SSX2IP: variants seen among roughly 807,000 people sequenced by gnomAD.
SSX2IP encodes the protein SSX family member 2 interacting protein.
SSX2IP carries 55 observed loss-of-function variants against 84.9 expected under a neutral mutation model. That is an observed-to-expected ratio of 0.65 (90% CI 0.52 to 0.81). The LOEUF is 0.81. Ranked by LOEUF, SSX2IP falls within the 30% of genes least tolerant of loss-of-function variation. SSX2IP has a pLI of 0.00. For missense variants in SSX2IP, 664 were observed against 705.2 expected (o/e 0.94, Z 0.66); for synonymous variants, 239 against 234.7 (o/e 1.02, Z -0.17).
intron 4 of SSX2IP, among the ~76,000 whole-genome samples, chr1:84,667,195 G>T (rs1652898430): frequency 6.6e-6 from 1 of 151,926 alleles, no homozygotes; most frequent in African/African-American, 2.4e-5. Flanking sequence ...CACTTTACCT[G>T]AACTCAGCAC....
rs370102993 is a variant in SSX2IP at position 84,670,804 on chromosome 1, T to C, written c.55A>G (p.Ile19Val). 31 of 1,603,756 alleles carry C rather than the reference T, an allele frequency of 1.9e-5. No homozygotes were observed. The highest frequency in any genetic ancestry group is 2.7e-5 in the African/African-American group (2 of 74,420). Residue 19 changes from isoleucine (I) to valine (V), a missense_variant, in exon 3 of 14, where the codon ATC (isoleucine) becomes GTC (valine). By Grantham distance (29) the Ile-to-Val change is conservative. Coordinates refer to ENST00000342203, the MANE Select transcript of SSX2IP (RefSeq NM_001166293.2). ...DPGLSSESKT[I>V]SQYTSETKMS... ...TTTGTTTCTGAGGTATATTGAGAGA[T>C]AGTTTTGCTTTCTGAAAGAATAAAA...
At chr1:84,667,871 T>C (rs1177739000) in intron 4 of SSX2IP, among the ~76,000 whole-genome samples, 1 of 152,128 alleles carries the variant, frequency 6.6e-6, no homozygotes, top group African/African-American at 2.4e-5. Context: ...CAAGAACAAT[T>C]AATGAAGCAA....
intron 12 of SSX2IP, 123 bp from the exon 13 acceptor site, chr1:84,650,650 A>G: frequency 7.9e-6 from 8 of 1,018,858 alleles, no homozygotes; most frequent in Admixed American, 2.1e-5. Flanking sequence ...AACAAATTCA[A>G]ATTAATTATC....
intron 6 of SSX2IP, among the ~76,000 whole-genome samples, chr1:84,664,066 G>A (rs1178007060): frequency 1.3e-5 from 2 of 151,940 alleles, no homozygotes; most frequent in Non-Finnish European, 2.9e-5. Context: ...ATTTTATGAG[G>A]TTTACTCTAA....
chr1:84,673,881 G>A (rs182740187), intron 1 of SSX2IP, among the ~76,000 whole-genome samples: 48 of 152,274 alleles, frequency 3.2e-4, no homozygotes, highest in African/African-American at 1.1e-3. Context: ...AGGTAATTCA[G>A]TCTGGCAATG....
In SSX2IP at chr1:84,650,361, C is replaced by A; in HGVS notation, c.1670+1G>T. 1 of 1,614,102 alleles carries A rather than the reference C, an allele frequency of 6.2e-7. No homozygotes were observed. Among genetic ancestry groups the A allele is most frequent in the Non-Finnish European group, 8.5e-7 (1 of 1,180,014 alleles). ...TGAAAAGATCACCTATAGACAAATACCTATGTTCAGATATGCAGGAACGTG... is the reference window on the plus strand; with the variant it reads ...TGAAAAGATCACCTATAGACAAATAACTATGTTCAGATATGCAGGAACGTG... On this transcript the variant is annotated splice_donor_variant, in intron 13 of 13. Transcript: ENST00000342203. LOFTEE classifies it high-confidence loss of function.
At chr1:84,678,037 A>G (rs1271446527) in intron 1 of SSX2IP, among the ~76,000 whole-genome samples, 6 of 152,224 alleles carry the variant, frequency 3.9e-5, no homozygotes, top group African/African-American at 1.4e-4. Context: ...AATATACATA[A>G]ATTTCTTGAG....
chr1:84,659,104 A>C (rs966743846), intron 8 of SSX2IP, among the ~76,000 whole-genome samples: 1 of 152,242 alleles, frequency 6.6e-6, no homozygotes, highest in Non-Finnish European at 1.5e-5. Context: ...ATATGTCATA[A>C]TAACCCACAT....
rs61017474 is a variant in SSX2IP, at chr1:84,676,719, C to CTTTTTTTTTT, written c.-89-5421_-89-5412dup. On this transcript the variant is annotated intron_variant, in intron 1 of 13. Transcript: ENST00000342203. ...GATTTCAAGACTCTGTGCTCTTTTCCTTTTTTTTTTTTTTTTTTTTTGAAA... is the reference window on the plus strand; with the variant it reads ...GATTTCAAGACTCTGTGCTCTTTTCCTTTTTTTTTTTTTTTTTTTTTTTTTTTTTTTGAAA... Among the ~76,000 whole-genome samples, 581 of 99,460 alleles carry CTTTTTTTTTT rather than the reference C, an allele frequency of 5.8e-3. 27 individuals are homozygous for CTTTTTTTTTT. Among genetic ancestry groups the CTTTTTTTTTT allele is most frequent in the Non-Finnish European group, 8.1e-3 (443 of 54,386 alleles). 65.2% of individuals were successfully genotyped at this position (99,460 alleles called of 152,430 possible).
intron 5 of SSX2IP, among the ~76,000 whole-genome samples, chr1:84,665,421 A>G (rs1193402118): frequency 1.3e-5 from 2 of 152,236 alleles, no homozygotes; most frequent in Admixed American, 1.3e-4. Context: ...AGAAGTCTTT[A>G]ATTGTAGTTA....
chr1:84,663,495 C>T (rs147920060), intron 6 of SSX2IP, among the ~76,000 whole-genome samples: 29 of 152,214 alleles, frequency 1.9e-4, no homozygotes, highest in African/African-American at 5.5e-4. Flanking sequence ...ATCTTAACGG[C>T]GCATTACTGA....
intron 4 of SSX2IP, among the ~76,000 whole-genome samples, chr1:84,668,647 T>C (rs1230780700): frequency 2.0e-5 from 3 of 152,152 alleles, no homozygotes; most frequent in Non-Finnish European, 4.4e-5. Context: ...AGGCCAACTC[T>C]ATGCCACATC....
chr1:84,650,710 CTTT>C (rs11349588), intron 12 of SSX2IP, among the ~76,000 whole-genome samples, 183 bp from the exon 13 acceptor site: 1 of 147,282 alleles, frequency 6.8e-6, no homozygotes. Context: ...TTAAAAGGAT[CTTT>C]TTTTTTTTTG....
chr1:84,683,028 C>T (rs1415079198), intron 1 of SSX2IP, among the ~76,000 whole-genome samples: 2 of 152,074 alleles, frequency 1.3e-5, no homozygotes, highest in Non-Finnish European at 2.9e-5. Context: ...GTTTTCTTGA[C>T]CTAGGATACA....
At chr1:84,669,508 C>T (rs1653230922) in intron 4 of SSX2IP, among the ~76,000 whole-genome samples, 173 bp downstream of exon 4, 1 of 152,094 alleles carries the variant, frequency 6.6e-6, no homozygotes, top group South Asian at 2.1e-4. Flanking sequence ...CTTCAATATA[C>T]TGTAGGTATT....
chr1:84,672,039 A>G (rs1653652801), intron 1 of SSX2IP, among the ~76,000 whole-genome samples: 1 of 150,904 alleles, frequency 6.6e-6, no homozygotes, highest in Admixed American at 6.6e-5. Context: ...AGGATGGCAA[A>G]CAAACAGCCA....
intron 10 of SSX2IP, 90 bp downstream of exon 10, chr1:84,656,258 C>T: frequency 7.5e-7 from 1 of 1,327,494 alleles, no homozygotes; most frequent in Non-Finnish European, 1.0e-6. Flanking sequence ...ATACCAGGGC[C>T]TTATGAAATA....
At chr1:84,647,644 C>A in intron 13 of SSX2IP, 37 bp from the exon 14 acceptor site, 3 of 1,447,036 alleles carry the variant, frequency 2.1e-6, no homozygotes, top group South Asian at 1.6e-5. Context: ...AGTGACTATC[C>A]TCTCCTTCTT....
At chr1:84,664,322 A>C in intron 6 of SSX2IP, 95 bp downstream of exon 6, 1 of 1,226,276 alleles carries the variant, frequency 8.2e-7, no homozygotes, top group Middle Eastern at 2.9e-4. Context: ...TGAAAATAAC[A>C]TTTCGTGAGT....
Sources: allele counts gnomAD v4.1 joint callset (sites outside exome capture counted in the v4.1 genomes callset), GRCh38; gene constraint gnomAD v4.1.1; transcripts MANE v1.5; gene names NCBI Gene and HGNC (gene_info 2026-07-23, HGNC 2026-07-21).